ELAVL4: variants seen among roughly 807,000 people sequenced by gnomAD.
ELAVL4 encodes ELAV-like protein 4.
ELAVL4 carries 1 observed loss-of-function variant against 35.6 expected under a neutral mutation model. That is an observed-to-expected ratio of 0.03 (90% CI 0.01 to 0.13). The LOEUF is 0.13. Among genes scored for constraint, ELAVL4 ranks in the 10% least tolerant of loss-of-function variants. The probability of loss-of-function intolerance (pLI) is 1.00; values close to 1 mark genes in which losing one functional copy is unlikely to be tolerated. For synonymous variants in ELAVL4, 156 were observed against 171.0 expected, an observed-to-expected ratio of 0.91 and a Z score of 0.69; for missense variants, 267 against 464.9, an observed-to-expected ratio of 0.57 and a Z score of 3.91.
chr1:50,089,612 A>C (rs563566410), intron 1 of ELAVL4, among the ~76,000 whole-genome samples: 1 of 152,218 alleles, frequency 6.6e-6, no homozygotes, highest in Non-Finnish European at 1.5e-5. Flanking sequence ...AAAATTAGCC[A>C]GGCATGGTGG....
At chr1:50,061,182 A>G (rs1330139085) in intron 1 of ELAVL4, among the ~76,000 whole-genome samples, 2 of 152,198 alleles carry the variant, frequency 1.3e-5, no homozygotes, top group South Asian at 4.1e-4. Context: ...ATATTTACAT[A>G]ATAGCTTTGG....
chr1:50,199,978 A>C (rs1171627308), intron 6 of ELAVL4, among the ~76,000 whole-genome samples: 1 of 152,200 alleles, frequency 6.6e-6, no homozygotes, highest in Admixed American at 6.5e-5. Context: ...GGCAAATAAC[A>C]ATTCTATGCT....
At chr1:50,148,112 C>G (rs970197296) in intron 2 of ELAVL4, among the ~76,000 whole-genome samples, 3 of 152,304 alleles carry the variant, frequency 2.0e-5, no homozygotes, top group South Asian at 4.2e-4. Flanking sequence ...TGGACATACC[C>G]TATTTCATTT....
chr1:50,155,453 C>T (rs1385594762), intron 2 of ELAVL4, among the ~76,000 whole-genome samples: 3 of 152,040 alleles, frequency 2.0e-5, no homozygotes, highest in African/African-American at 7.2e-5. Flanking sequence ...TGGAATTTTC[C>T]TCATCTTTCT....
At chr1:50,093,757 G>A (rs973614277) in intron 1 of ELAVL4, among the ~76,000 whole-genome samples, 3 of 152,154 alleles carry the variant, frequency 2.0e-5, no homozygotes, top group African/African-American at 4.8e-5. Flanking sequence ...TCAGGGACCC[G>A]TAAGTATGAA....
At chr1:50,155,931 G>A (rs1020812431) in intron 2 of ELAVL4, among the ~76,000 whole-genome samples, 8 of 152,082 alleles carry the variant, frequency 5.3e-5, no homozygotes, top group Non-Finnish European at 1.0e-4. Flanking sequence ...CACCCTCTAA[G>A]TACGAGAGAG....
At chr1:50,179,301 A>G (rs959426379) in intron 3 of ELAVL4, among the ~76,000 whole-genome samples, 1 of 152,188 alleles carries the variant, frequency 6.6e-6, no homozygotes, top group African/African-American at 2.4e-5. Context: ...TCTCCTCTAC[A>G]AATGAAAATT....
At chr1:50,143,376 G>C (rs1027500005) in intron 1 of ELAVL4, among the ~76,000 whole-genome samples, 1 of 152,186 alleles carries the variant, frequency 6.6e-6, no homozygotes, top group African/African-American at 2.4e-5. Context: ...ATAAGACATA[G>C]AGAATATTAG....
In ELAVL4 at chr1:50,184,709, T is replaced by C. The variant is rs116214650; in HGVS notation, c.354+7517T>C. On this transcript the variant is annotated intron_variant, in intron 3 of 6. Transcript: ENST00000371824. Reference sequence around the variant, plus strand: ...CAAGAATCTGGGAAGAGAACCTGTGTAGCTATCAGAGTAGAATGTTTGCCT... The same window carrying C: ...CAAGAATCTGGGAAGAGAACCTGTGCAGCTATCAGAGTAGAATGTTTGCCT... 3.2e-3 allele frequency among the ~76,000 whole-genome samples: 480 copies of C among 152,280 alleles called. 4 individuals are homozygous for C. Among genetic ancestry groups the C allele is most frequent in the African/African-American group, 0.011 (454 of 41,556 alleles).
intron 1 of ELAVL4, among the ~76,000 whole-genome samples, chr1:50,094,163 TTTG>T (rs1665614803): frequency 6.6e-6 from 1 of 152,230 alleles, no homozygotes; most frequent in African/African-American, 2.4e-5. Context: ...AAAGGTTGCA[TTTG>T]TTAATTTATT....
chr1:50,159,054 A>G (rs113055249), intron 2 of ELAVL4, among the ~76,000 whole-genome samples: 136 of 150,098 alleles, frequency 9.1e-4, no homozygotes, highest in Admixed American at 1.5e-3. Context: ...AAAAAAAAAA[A>G]AAAGAAAGAA....
intron 1 of ELAVL4, among the ~76,000 whole-genome samples, chr1:50,091,604 C>T (rs1665498470): frequency 6.6e-6 from 1 of 152,142 alleles, no homozygotes; most frequent in South Asian, 2.1e-4. Flanking sequence ...AAATTTGTCA[C>T]CTATTGTTCC....
intron 4 of ELAVL4, among the ~76,000 whole-genome samples, chr1:50,194,558 A>G (rs537636280): frequency 5.3e-5 from 8 of 152,190 alleles, no homozygotes; most frequent in Non-Finnish European, 7.4e-5. Flanking sequence ...CCCTGAGAAT[A>G]GTTTAGCACG....
intron 3 of ELAVL4, among the ~76,000 whole-genome samples, chr1:50,193,127 C>T (rs1214681921): frequency 6.6e-6 from 1 of 152,142 alleles, no homozygotes; most frequent in Admixed American, 6.5e-5. Flanking sequence ...CTGGTCCTTG[C>T]AGATGTGACG....
intron 1 of ELAVL4, among the ~76,000 whole-genome samples, chr1:50,075,191 A>G (rs1458271568): frequency 6.6e-6 from 1 of 152,184 alleles, no homozygotes; most frequent in Non-Finnish European, 1.5e-5. Context: ...TAAGGCCACC[A>G]GGGAGACAGC....
At chr1:50,078,130 GTGTGTGTGTGTGTA>G (rs996390997) in intron 1 of ELAVL4, among the ~76,000 whole-genome samples, 1 of 151,680 alleles carries the variant, frequency 6.6e-6, no homozygotes, top group Admixed American at 6.6e-5. Flanking sequence ...GTGTGTGTGT[GTGTGTGTGTGTGTA>G]TATAGTATTT....
rs530555975 is a variant in ELAVL4, at chr1:50,093,988, CTAAG to C, written c.18+45808_18+45811del. On this transcript the variant is annotated intron_variant, in intron 1 of 6. Coordinates refer to the ELAVL4 transcript ENST00000448907. ...CCTACCTTATAGGATTGTTGTGAAA[CTAAG>C]TGAGTAAATACATATAAAGAGCTAA... Among the ~76,000 whole-genome samples, 45 of 152,200 alleles carry C rather than the reference CTAAG, an allele frequency of 3.0e-4. No individual in the cohort carries two copies. The East Asian group carries it at 7.5e-3, about 25-fold the overall frequency.
At chr1:50,186,130 AT>A (rs2148858698) in intron 3 of ELAVL4, among the ~76,000 whole-genome samples, 1 of 152,352 alleles carries the variant, frequency 6.6e-6, no homozygotes, top group South Asian at 2.1e-4. Context: ...TTTAAAAGAA[AT>A]ACTTGTCTGG....
chr1:50,148,139 T>C (rs187415697), intron 2 of ELAVL4, among the ~76,000 whole-genome samples: 2 of 152,318 alleles, frequency 1.3e-5, no homozygotes, highest in East Asian at 3.9e-4. Context: ...GAGCCTCCAT[T>C]TTCTTAGATG....
Sources: gnomAD v4.1 joint callset for allele counts (sites outside exome capture counted in the v4.1 genomes callset) on GRCh38, gnomAD v4.1.1 for gene constraint, MANE v1.5 for transcripts, NCBI Gene and HGNC (gene_info 2026-07-23, HGNC 2026-07-21) for gene names.